Variants in RIT2 observed in about 807,000 individuals in gnomAD.
The protein encoded by RIT2 is GTP-binding protein Rit2.
Under a neutral mutation model 23.7 loss-of-function variants are expected in RIT2, and 24 were observed. The ratio of observed to expected loss-of-function variants is 1.01; its 90% confidence interval spans 0.73 to 1.43. RIT2 has a LOEUF of 1.43. Ranked by LOEUF, RIT2 falls within the 40% of genes most tolerant of loss-of-function variation. RIT2 has a pLI of 0.00. For missense variants in RIT2, 236 were observed against 266.9 expected (o/e 0.88, Z 0.81); for synonymous variants, 107 against 91.1 (o/e 1.17, Z -0.99).
chr18:42,905,375 A>G (rs1325545028), intron 4 of RIT2, among the ~76,000 whole-genome samples: 5 of 152,190 alleles, frequency 3.3e-5, no homozygotes, highest in African/African-American at 4.8e-5. Flanking sequence ...TGCTGTATAT[A>G]TGTGATGTAT....
In RIT2 at chr18:42,907,869, T is replaced by C. The variant is rs183452969; in HGVS notation, c.426+15703A>G. On this transcript the variant is annotated intron_variant, in intron 4 of 4. Coordinates refer to ENST00000326695, the MANE Select transcript of RIT2 (RefSeq NM_002930.4). ...GATGGCATGTGCCTGTAGTCCCAGC[T>C]ACTTGGGAGACTGAGTCAGGAGGGT... Among the ~76,000 whole-genome samples, 576 of 152,064 alleles carry C rather than the reference T, an allele frequency of 3.8e-3. 3 individuals carry two copies. The highest frequency in any genetic ancestry group is 4.4e-3 in the Non-Finnish European group (300 of 67,992).
chr18:43,079,551 C>T (rs1306905539), intron 1 of RIT2, among the ~76,000 whole-genome samples: 1 of 152,144 alleles, frequency 6.6e-6, no homozygotes, highest in Non-Finnish European at 1.5e-5. Context: ...TTAAGTAGGG[C>T]TCTGATGACA....
chr18:42,874,642 C>T (rs973581446), intron 4 of RIT2, among the ~76,000 whole-genome samples: 6 of 152,050 alleles, frequency 3.9e-5, no homozygotes, highest in Non-Finnish European at 7.4e-5. Context: ...GCCTGTTTCT[C>T]GTATGCAATA....
chr18:43,011,964 A>C (rs1911360733), intron 2 of RIT2, among the ~76,000 whole-genome samples: 1 of 151,880 alleles, frequency 6.6e-6, no homozygotes, highest in African/African-American at 2.4e-5. Flanking sequence ...ATATGGTAAG[A>C]TATTTAAGGT....
chr18:42,901,374 A>C (rs1908472184), intron 4 of RIT2, among the ~76,000 whole-genome samples: 1 of 151,976 alleles, frequency 6.6e-6, no homozygotes. Flanking sequence ...GACAAACCAC[A>C]GTTATTCAGA....
At chr18:42,958,896 A>G (rs1910035440) in intron 3 of RIT2, among the ~76,000 whole-genome samples, 1 of 151,908 alleles carries the variant, frequency 6.6e-6, no homozygotes, top group South Asian at 2.1e-4. Context: ...CACTTTTATT[A>G]CTCTCCATCA....
chr18:43,102,654 T>TTATG (rs1446218803), intron 1 of RIT2, among the ~76,000 whole-genome samples: 5 of 151,912 alleles, frequency 3.3e-5, no homozygotes, highest in Admixed American at 3.3e-4. Context: ...ATTTATTTAT[T>TTATG]TATTATTTTT....
At chr18:42,844,029 A>AT (rs1363112618) in intron 4 of RIT2, among the ~76,000 whole-genome samples, 1 of 152,172 alleles carries the variant, frequency 6.6e-6, no homozygotes, top group African/African-American at 2.4e-5. Context: ...TTCTCAGACC[A>AT]TTTTTTGGAC....
At chr18:42,812,850 G>A (rs1033734747) in intron 4 of RIT2, among the ~76,000 whole-genome samples, 2 of 152,170 alleles carry the variant, frequency 1.3e-5, no homozygotes, top group Non-Finnish European at 2.9e-5. Context: ...AAGCTTTAAT[G>A]TTGTAATCAT....
At chr18:42,778,031 G>A (rs1348557293) in intron 4 of RIT2, among the ~76,000 whole-genome samples, 1 of 152,110 alleles carries the variant, frequency 6.6e-6, no homozygotes, top group African/African-American at 2.4e-5. Context: ...ACTTTTTTGT[G>A]TGTGTTCTGC....
At chr18:42,993,963 C>A (rs1048565083) in intron 2 of RIT2, among the ~76,000 whole-genome samples, 1 of 152,044 alleles carries the variant, frequency 6.6e-6, no homozygotes, top group African/African-American at 2.4e-5. Flanking sequence ...CCTTACAATT[C>A]CCCCATTTTA....
At chr18:42,819,091 G>A (rs1906075987) in intron 4 of RIT2, among the ~76,000 whole-genome samples, 1 of 151,982 alleles carries the variant, frequency 6.6e-6, no homozygotes, top group South Asian at 2.1e-4. Context: ...GGCAGAGATG[G>A]TAAGAAACTC....
At position 43,115,447 on chromosome 18, in the gene RIT2, T is replaced by C. The variant is rs766054548; in HGVS notation, c.73A>G (p.Met25Val). 6.2e-6 allele frequency: 10 copies of C among 1,613,346 alleles called. No individual in the cohort carries two copies. Among genetic ancestry groups the C allele is most frequent in the Non-Finnish European group, 7.6e-6 (9 of 1,179,730 alleles). Residue 25 changes from methionine (M) to valine (V), a missense_variant, in exon 1 of 5, where the codon ATG becomes GTG. Met to Val is a conservative substitution (Grantham distance 21). Coordinates refer to ENST00000326695, the MANE Select transcript of RIT2 (RefSeq NM_002930.4). ...SGGSREYKVV[M>V]LGAGGVGKSA... ...TTACCAACTCCCCCTGCTCCCAGCA[T>C]TACCACCTTGTACTCTCTGGACCCG... is the stretch of plus-strand genomic sequence containing the variant.
chr18:42,933,204 TAAG>T (rs1206688325), intron 3 of RIT2, among the ~76,000 whole-genome samples: 3 of 152,142 alleles, frequency 2.0e-5, no homozygotes, highest in African/African-American at 7.2e-5. Context: ...ACAGGCATAA[TAAG>T]CAAGCTTCTA....
chr18:42,757,464 C>A (rs763268183), intron 4 of RIT2, among the ~76,000 whole-genome samples: 1 of 152,098 alleles, frequency 6.6e-6, no homozygotes, highest in African/African-American at 2.4e-5. Flanking sequence ...ACCTATATAT[C>A]TTTTTGGATT....
chr18:43,088,988 G>T (rs1392736958), intron 1 of RIT2, among the ~76,000 whole-genome samples: 1 of 152,018 alleles, frequency 6.6e-6, no homozygotes, highest in African/African-American at 2.4e-5. Context: ...ATAATCTAAG[G>T]TTCTTGAGAT....
intron 1 of RIT2, among the ~76,000 whole-genome samples, chr18:43,066,449 A>T (rs1401966212): frequency 6.6e-6 from 1 of 152,210 alleles, no homozygotes; most frequent in African/African-American, 2.4e-5. Flanking sequence ...TTACAGAATA[A>T]ATATTTCAGA....
intron 4 of RIT2, among the ~76,000 whole-genome samples, chr18:42,747,836 C>A (rs1034265155): frequency 2.0e-5 from 3 of 151,724 alleles, no homozygotes; most frequent in Non-Finnish European, 4.4e-5. Flanking sequence ...GCAAGCCACA[C>A]GTAGAAGAAT....
chr18:42,778,268 A>G lies in RIT2; in HGVS notation c.427-34548T>C, dbSNP rs905919267. Among the ~76,000 whole-genome samples the G allele has an allele frequency of 6.6e-5, 10 of 152,220 alleles. No homozygotes were observed. The East Asian group carries it at 1.5e-3, about 23-fold the overall frequency. On this transcript the variant is annotated intron_variant, in intron 4 of 4. Transcript: ENST00000326695. ...TATAGTGTCACCAAAAGAAAAAAAA[A>G]TCTTTACAGAAAATGTGGCAGCTCC...
Sources: allele counts gnomAD v4.1 joint callset (sites outside exome capture counted in the v4.1 genomes callset), GRCh38; gene constraint gnomAD v4.1.1; transcripts MANE v1.5; gene names NCBI Gene and HGNC (gene_info 2026-07-23, HGNC 2026-07-21).